Variants in LYPD6B observed in about 807,000 individuals in gnomAD.
LYPD6B encodes LY6/PLAUR domain containing 6B.
Under a neutral mutation model 22.8 loss-of-function variants are expected in LYPD6B, and 17 were observed. The ratio of observed to expected loss-of-function variants is 0.75; its 90% CI spans 0.51 to 1.12. The LOEUF is 1.12. LYPD6B is among the 50% of genes most tolerant of loss of function. The pLI is 0.00. For missense variants in LYPD6B, 221 were observed against 258.3 expected, an observed-to-expected ratio of 0.86 and a Z score of 0.99; for synonymous variants, 106 against 91.6, an observed-to-expected ratio of 1.16 and a Z score of -0.90.
chr2:149,066,570 C>T (rs1047614334), intron 1 of LYPD6B, among the ~76,000 whole-genome samples: 8 of 152,006 alleles, frequency 5.3e-5, no homozygotes, highest in Non-Finnish European at 8.8e-5. Flanking sequence ...TTAATCCAGT[C>T]TATCATTGTT....
At chr2:149,179,818 T>G (rs1417703175) in intron 3 of LYPD6B, among the ~76,000 whole-genome samples, 2 of 152,210 alleles carry the variant, frequency 1.3e-5, no homozygotes, top group African/African-American at 2.4e-5. Context: ...TTTTCTAAAT[T>G]AACAATAGGA....
chr2:149,069,192 T>C (rs1015158630), intron 1 of LYPD6B, among the ~76,000 whole-genome samples: 5 of 151,790 alleles, frequency 3.3e-5, no homozygotes, highest in Admixed American at 3.3e-4. Flanking sequence ...GGGGTGGCCT[T>C]GGGAGAACTT....
intron 5 of LYPD6B, among the ~76,000 whole-genome samples, chr2:149,211,371 A>C (rs1693842498): frequency 6.6e-6 from 1 of 152,148 alleles, no homozygotes; most frequent in Non-Finnish European, 1.5e-5. Flanking sequence ...TAGGAAAACT[A>C]CTGGGTTAGA....
intron 3 of LYPD6B, among the ~76,000 whole-genome samples, chr2:149,170,663 G>C (rs1690755752): frequency 6.6e-6 from 1 of 152,118 alleles, no homozygotes; most frequent in Non-Finnish European, 1.5e-5. Context: ...GAAACATTAT[G>C]GTTTATGGGA....
chr2:149,155,871 T>C (rs1689670392), intron 2 of LYPD6B, among the ~76,000 whole-genome samples: 1 of 152,210 alleles, frequency 6.6e-6, no homozygotes, highest in Non-Finnish European at 1.5e-5. Context: ...TCACTTCTCC[T>C]GTGTGAACTC....
At chr2:149,095,218 C>G (rs1431578409) in intron 1 of LYPD6B, among the ~76,000 whole-genome samples, 1 of 152,146 alleles carries the variant, frequency 6.6e-6, no homozygotes, top group Non-Finnish European at 1.5e-5. Flanking sequence ...ATCGCTTGAA[C>G]CCGGGAGGCA....
At chr2:149,111,551 T>C (rs551557630) in intron 1 of LYPD6B, among the ~76,000 whole-genome samples, 1 of 152,256 alleles carries the variant, frequency 6.6e-6, no homozygotes, top group East Asian at 1.9e-4. Context: ...TGACATTTAC[T>C]GGGATGGAGA....
chr2:149,161,568 A>G (rs1690065389), intron 3 of LYPD6B: 1 of 152,296 alleles, frequency 6.6e-6, no homozygotes, highest in African/African-American at 2.4e-5. Context: ...AATGCCAAGG[A>G]ATGCCTGTGT....
chr2:149,194,931 C>A (rs561100297), intron 3 of LYPD6B, among the ~76,000 whole-genome samples: 12 of 152,162 alleles, frequency 7.9e-5, no homozygotes, highest in Non-Finnish European at 1.6e-4. Context: ...TGTTGAATCA[C>A]AGGTGAATGT....
At chr2:149,172,025 TATACTG>T (rs1244156670) in intron 3 of LYPD6B, among the ~76,000 whole-genome samples, 2 of 152,206 alleles carry the variant, frequency 1.3e-5, no homozygotes, top group Non-Finnish European at 2.9e-5. Flanking sequence ...CTACTAAAGA[TATACTG>T]AGACTGGGTA....
At chr2:149,104,074 G>A (rs961513459) in intron 1 of LYPD6B, among the ~76,000 whole-genome samples, 4 of 151,966 alleles carry the variant, frequency 2.6e-5, no homozygotes, top group Non-Finnish European at 5.9e-5. Context: ...CACCGCACCT[G>A]GCCATGTATA....
chr2:149,173,188 T>A (rs199712603), intron 3 of LYPD6B, among the ~76,000 whole-genome samples: 3 of 135,300 alleles, frequency 2.2e-5, no homozygotes, highest in South Asian at 5.0e-4. Flanking sequence ...GTTTTTTTTT[T>A]TAAAAAAAGA....
chr2:149,150,811 C>T (rs1450976256), intron 2 of LYPD6B, among the ~76,000 whole-genome samples: 2 of 152,048 alleles, frequency 1.3e-5, no homozygotes, highest in African/African-American at 4.8e-5. Flanking sequence ...TCATTTGGCT[C>T]GTGTACTGAT....
chr2:149,046,384 G>A (rs1347918770), intron 1 of LYPD6B, among the ~76,000 whole-genome samples: 1 of 152,062 alleles, frequency 6.6e-6, no homozygotes, highest in Admixed American at 6.6e-5. Flanking sequence ...TAACTGGTAT[G>A]TTAGACCATT....
chr2:149,080,510 A>G (rs192934578), intron 1 of LYPD6B, among the ~76,000 whole-genome samples: 30 of 152,274 alleles, frequency 2.0e-4, no homozygotes, highest in African/African-American at 6.7e-4. Context: ...AGGCTGTTCT[A>G]TTTCTCTCAA....
In LYPD6B at chr2:149,096,064, G is replaced by C. The variant is rs549072407; in HGVS notation, c.-66-34819G>C. ...ACGGAGAGAGACAGAGACACACACA[G>C]AGATACACAGAAAGAGACAGTGATG... On this transcript the variant is annotated intron_variant, in intron 1 of 6. Coordinates refer to ENST00000409642, the MANE Select transcript of LYPD6B (RefSeq NM_177964.5). Among the ~76,000 whole-genome samples, 15 of 152,150 alleles carry C rather than the reference G, an allele frequency of 9.9e-5. No individual in the cohort carries two copies. The South Asian group carries it at 2.9e-3, about 29-fold the overall frequency.
At chr2:149,205,564 G>A (rs992418724) in intron 4 of LYPD6B, among the ~76,000 whole-genome samples, 160 bp downstream of exon 4, 2 of 152,154 alleles carry the variant, frequency 1.3e-5, no homozygotes, top group African/African-American at 4.8e-5. Context: ...GTAAGCATAT[G>A]GTAAGTGAAA....
chr2:149,163,371 C>A (rs1304592918), intron 3 of LYPD6B, among the ~76,000 whole-genome samples: 1 of 152,086 alleles, frequency 6.6e-6, no homozygotes, highest in Admixed American at 6.6e-5. Context: ...CGCCTCTGCA[C>A]CCTCAACAAA....
At chr2:149,139,041 T>C (rs1688531366) in intron 2 of LYPD6B, among the ~76,000 whole-genome samples, 1 of 152,252 alleles carries the variant, frequency 6.6e-6, no homozygotes, top group Admixed American at 6.5e-5. Flanking sequence ...AACTCATTCA[T>C]TCATTTATTC....
Sources: gnomAD v4.1 joint callset for allele counts (sites outside exome capture counted in the v4.1 genomes callset) on GRCh38, gnomAD v4.1.1 for gene constraint, MANE v1.5 for transcripts, NCBI Gene and HGNC (gene_info 2026-07-23, HGNC 2026-07-21) for gene names.